Variants in LRFN2 observed in about 807,000 individuals in gnomAD.
The protein encoded by LRFN2 is leucine-rich repeat and fibronectin type-III domain-containing protein 2.
A neutral mutation model predicts 37.3 loss-of-function variants in LRFN2; 18 were observed. The ratio of observed to expected loss-of-function variants is 0.48; its 90% CI spans 0.33 to 0.72. The LOEUF is 0.72. Ranked by LOEUF, LRFN2 falls within the 30% of genes least tolerant of loss-of-function variation. The pLI is 0.02. For synonymous variants in LRFN2, 556 were observed against 466.6 expected, an observed-to-expected ratio of 1.19 and a Z score of -2.47; for missense variants, 1,006 against 1,060.7, an observed-to-expected ratio of 0.95 and a Z score of 0.72.
Position 40,473,463 on chromosome 6 carries a change from G to T in LRFN2, c.-18-40332C>A, listed in dbSNP as rs1581732946. 2.6e-5 allele frequency among the ~76,000 whole-genome samples: 4 copies of T among 152,286 alleles called. 1 individual carries two copies. Among genetic ancestry groups the T allele is most frequent in the Admixed American group, 2.6e-4 (4 of 15,304 alleles). The stretch of plus-strand genomic sequence containing the variant: ...CCACTCCCAGTCATTGGGGGAAATG[G>T]TCATGGCCAACTCTTCCAGAGGACA... On this transcript the variant is annotated intron_variant, in intron 1 of 2. Transcript: ENST00000338305.
chr6:40,412,905 C>G (rs1581686109), intron 2 of LRFN2, among the ~76,000 whole-genome samples: 1 of 152,172 alleles, frequency 6.6e-6, no homozygotes, highest in Admixed American at 6.5e-5. Context: ...TAGAGTGGGA[C>G]AGCTCAGCTT....
chr6:40,505,203 G>A (rs1487551613), intron 1 of LRFN2, among the ~76,000 whole-genome samples: 5 of 152,158 alleles, frequency 3.3e-5, no homozygotes, highest in African/African-American at 9.7e-5. Flanking sequence ...CTGTGGGGGC[G>A]GGGGACAAGG....
At chr6:40,420,485 C>T (rs868511585) in intron 2 of LRFN2, among the ~76,000 whole-genome samples, 1 of 152,236 alleles carries the variant, frequency 6.6e-6, no homozygotes, top group Non-Finnish European at 1.5e-5. Context: ...AGCTTCCCCC[C>T]CAGGCTGGCC....
At chr6:40,516,607 G>T (rs140866011) in intron 1 of LRFN2, among the ~76,000 whole-genome samples, 101 of 152,236 alleles carry the variant, frequency 6.6e-4, no homozygotes, top group African/African-American at 2.2e-3. Context: ...CCTGCCAAAT[G>T]GGTTCTCCCC....
At chr6:40,468,913 G>A (rs1239437738) in intron 1 of LRFN2, among the ~76,000 whole-genome samples, 1 of 152,202 alleles carries the variant, frequency 6.6e-6, no homozygotes, top group Non-Finnish European at 1.5e-5. Context: ...AGGAGGGACA[G>A]GAGCTCATCT....
At chr6:40,408,459 C>T (rs1006604814) in intron 2 of LRFN2, among the ~76,000 whole-genome samples, 1 of 152,012 alleles carries the variant, frequency 6.6e-6, no homozygotes, top group Admixed American at 6.5e-5. Context: ...AGAAAGAACC[C>T]CTGGCCATCT....
chr6:40,562,472 G>C (rs868102024), intron 1 of LRFN2, among the ~76,000 whole-genome samples: 5 of 152,054 alleles, frequency 3.3e-5, no homozygotes, highest in African/African-American at 1.2e-4. Flanking sequence ...GGGAGGGGGA[G>C]AGAAGGGAGA....
At chr6:40,425,356 T>G (rs1191389548) in intron 2 of LRFN2, among the ~76,000 whole-genome samples, 2 of 152,218 alleles carry the variant, frequency 1.3e-5, no homozygotes, top group African/African-American at 4.8e-5. Context: ...CTGGCTCTCC[T>G]GGGGATCATT....
rs987326114 is a variant in LRFN2, at chr6:40,399,344, C to T, written c.1401-6432G>A. On this transcript the variant is annotated intron_variant, in intron 2 of 2. Transcript: ENST00000338305. ...CCACCCACTGCTCCCATGCTCACTG[C>T]CCCCACCTGTTGTTGACCTCTGAGC... Among the ~76,000 whole-genome samples, 4 of 151,606 alleles carry T rather than the reference C, an allele frequency of 2.6e-5. No individual in the cohort carries two copies. In the South Asian group the frequency reaches 8.3e-4, roughly 32 times the overall value.
At chr6:40,488,793 C>T (rs753770032) in intron 1 of LRFN2, among the ~76,000 whole-genome samples, 1 of 152,150 alleles carries the variant, frequency 6.6e-6, no homozygotes, top group Non-Finnish European at 1.5e-5. Context: ...GCCTCCTCTG[C>T]CTCCTTGAGG....
chr6:40,406,686 C>T (rs1466393005), intron 2 of LRFN2, among the ~76,000 whole-genome samples: 3 of 152,218 alleles, frequency 2.0e-5, no homozygotes, highest in East Asian at 1.9e-4. Context: ...TGACAGACTG[C>T]GTCTTCCTCC....
chr6:40,544,479 C>T (rs1427485818), intron 1 of LRFN2, among the ~76,000 whole-genome samples: 1 of 152,208 alleles, frequency 6.6e-6, no homozygotes, highest in African/African-American at 2.4e-5. Flanking sequence ...CTGTGTTCCC[C>T]TGCAGCACCC....
intron 1 of LRFN2, among the ~76,000 whole-genome samples, chr6:40,571,112 C>T (rs1395817859): frequency 5.3e-5 from 8 of 152,214 alleles, no homozygotes; most frequent in Non-Finnish European, 1.2e-4. Context: ...TGCCTCCAGT[C>T]ACAGGACCAT....
At chr6:40,416,909 A>G (rs1763105546) in intron 2 of LRFN2, among the ~76,000 whole-genome samples, 1 of 152,218 alleles carries the variant, frequency 6.6e-6, no homozygotes. Context: ...GCATTTTTAA[A>G]CAGGGTTCTG....
intron 1 of LRFN2, among the ~76,000 whole-genome samples, chr6:40,524,195 T>G (rs1169890076): frequency 1.3e-5 from 2 of 152,232 alleles, no homozygotes; most frequent in Non-Finnish European, 2.9e-5. Flanking sequence ...CCCAATTTGA[T>G]GCCCTAACCT....
At chr6:40,517,126 C>T (rs1311070686) in intron 1 of LRFN2, among the ~76,000 whole-genome samples, 1 of 152,142 alleles carries the variant, frequency 6.6e-6, no homozygotes, top group Non-Finnish European at 1.5e-5. Context: ...AGGTAACTGG[C>T]TTCACTCTCC....
chr6:40,462,552 A>T (rs896809999), intron 1 of LRFN2, among the ~76,000 whole-genome samples: 1 of 152,184 alleles, frequency 6.6e-6, no homozygotes, highest in Admixed American at 6.5e-5. Context: ...ACATAGAGGC[A>T]TCTAAATCTG....
At position 40,544,516 on chromosome 6, in the gene LRFN2, C is replaced by T. The variant is rs955428591; in HGVS notation, c.-19+42425G>A. ...GGCTGGGTACTTGAGCGGCCACAGACGTTTGCTTCCAAAGCTCTGTGAGGC... is the reference window on the plus strand; with the variant it reads ...GGCTGGGTACTTGAGCGGCCACAGATGTTTGCTTCCAAAGCTCTGTGAGGC... On this transcript the variant is annotated intron_variant, in intron 1 of 2. Transcript: ENST00000338305. Among the ~76,000 whole-genome samples, 40 of 152,162 alleles carry T rather than the reference C, an allele frequency of 2.6e-4. 1 individual carries two copies. The highest frequency in any genetic ancestry group is 2.4e-4 in the African/African-American group (10 of 41,418).
At chr6:40,436,215 A>G (rs1763671219) in intron 1 of LRFN2, among the ~76,000 whole-genome samples, 1 of 152,238 alleles carries the variant, frequency 6.6e-6, no homozygotes, top group African/African-American at 2.4e-5. Context: ...GCACATTTCA[A>G]ATGCTCATTA....
Sources: gnomAD v4.1 joint callset for allele counts (sites outside exome capture counted in the v4.1 genomes callset) on GRCh38, gnomAD v4.1.1 for gene constraint, MANE v1.5 for transcripts, NCBI Gene and HGNC (gene_info 2026-07-23, HGNC 2026-07-21) for gene names.